VAV1: variants seen among roughly 807,000 people sequenced by gnomAD.
VAV1 encodes the protein proto-oncogene vav.
In VAV1, 33 loss-of-function variants were observed where a neutral mutation model predicts 128.1. The ratio of observed to expected loss-of-function variants is 0.26; its 90% CI spans 0.20 to 0.34. The LOEUF is 0.34. Ranked by LOEUF, VAV1 falls within the 10% of genes least tolerant of loss-of-function variation. The pLI is 1.00. For synonymous variants in VAV1, 394 were observed against 409.8 expected (o/e 0.96, Z 0.47); for missense variants, 715 against 1,093.7 (o/e 0.65, Z 4.88).
chr19:6,855,571 T>G (rs1459567343), intron 26 of VAV1, among the ~76,000 whole-genome samples: 1 of 151,674 alleles, frequency 6.6e-6, no homozygotes, highest in African/African-American at 2.4e-5. Flanking sequence ...ACCCACCCAT[T>G]AAAACATTAA....
At chr19:6,806,078 G>A (rs1295575133) in intron 1 of VAV1, among the ~76,000 whole-genome samples, 1 of 152,034 alleles carries the variant, frequency 6.6e-6, no homozygotes, top group Non-Finnish European at 1.5e-5. Flanking sequence ...CCTGCCACCT[G>A]TTTTTGTAAA....
At chr19:6,809,612 G>A (rs367993949) in intron 1 of VAV1, among the ~76,000 whole-genome samples, 27 of 152,224 alleles carry the variant, frequency 1.8e-4, no homozygotes, top group African/African-American at 6.3e-4. Flanking sequence ...GTTGAACTTT[G>A]TGTTGGGGAT....
At chr19:6,784,112 G>T (rs1282198467) in intron 1 of VAV1, 2 of 429,628 alleles carry the variant, frequency 4.7e-6, no homozygotes, top group South Asian at 6.9e-5. Context: ...AAATAAGCCC[G>T]GCATGGTGGT....
intron 7 of VAV1, 43 bp downstream of exon 7, chr19:6,825,164 G>A (rs367566378): frequency 8.1e-6 from 13 of 1,595,902 alleles, no homozygotes; most frequent in Admixed American, 3.4e-5. Context: ...TGTCTAGTGC[G>A]GATAACCTGC....
Position 6,826,678 on chromosome 19 carries a change from C to T in VAV1, c.894C>T (p.Ala298=), listed in dbSNP as rs144193852. 2.3e-4 allele frequency: 353 copies of T among 1,559,472 alleles called. No homozygotes were observed. Among genetic ancestry groups the T allele is most frequent in the Middle Eastern group, 1.7e-3 (10 of 5,998 alleles). Residue 298 remains alanine, a synonymous_variant, in exon 9 of 27, where the codon GCC becomes GCT. Coordinates refer to ENST00000602142, the MANE Select transcript of VAV1 (RefSeq NM_005428.4). This position sits in a 1 kb window ranked among gnomAD's most constrained non-coding sequence, Gnocchi z 4.1. ...ESASKHLDRV[A]AAREDVQMKL... The stretch of plus-strand genomic sequence containing the variant: ...CCAGCAAACACCTGGACCGTGTGGC[C>T]GCAGCCCGGGAGGACGTGCAGATGA...
intron 21 of VAV1, among the ~76,000 whole-genome samples, chr19:6,839,994 C>G (rs1271363380): frequency 1.3e-5 from 2 of 152,032 alleles, no homozygotes; most frequent in Non-Finnish European, 2.9e-5. Context: ...GCCCGGCCAA[C>G]ATAACCATTT....
At chr19:6,838,673 T>A (rs1972292596) in intron 21 of VAV1, among the ~76,000 whole-genome samples, 1 of 152,142 alleles carries the variant, frequency 6.6e-6, no homozygotes, top group Non-Finnish European at 1.5e-5. Flanking sequence ...TCATCTATCA[T>A]CTTTCCATCT....
chr19:6,799,583 C>T (rs777477520), intron 1 of VAV1, among the ~76,000 whole-genome samples: 9 of 152,084 alleles, frequency 5.9e-5, no homozygotes, highest in African/African-American at 9.7e-5. Flanking sequence ...GGTATTTCTC[C>T]GAATGCTATC....
At chr19:6,808,009 GAAAA>G (rs1971433384) in intron 1 of VAV1, among the ~76,000 whole-genome samples, 1 of 117,170 alleles carries the variant, frequency 8.5e-6, no homozygotes, top group Non-Finnish European at 1.8e-5. Flanking sequence ...AAAAAAAAAA[GAAAA>G]GAAAAAGTTA....
At chr19:6,819,803 G>A (rs536157677) in intron 1 of VAV1, among the ~76,000 whole-genome samples, 2 of 152,230 alleles carry the variant, frequency 1.3e-5, no homozygotes, top group Non-Finnish European at 2.9e-5. Context: ...GAACCTCAGA[G>A]AGTGCTGAAC....
At chr19:6,852,900 C>T in intron 24 of VAV1, 65 bp from the exon 25 acceptor site, 10 of 1,385,248 alleles carry the variant, frequency 7.2e-6, no homozygotes, top group South Asian at 1.2e-5. Context: ...TATGGCTGTT[C>T]CTAGCTCTGC....
chr19:6,790,608 A>C (rs1970996673), intron 1 of VAV1, among the ~76,000 whole-genome samples: 1 of 152,220 alleles, frequency 6.6e-6, no homozygotes, highest in African/African-American at 2.4e-5. Flanking sequence ...CACCCAGGAA[A>C]GAATTCAAGG....
chr19:6,774,700 G>T (rs987053443), intron 1 of VAV1, among the ~76,000 whole-genome samples: 1 of 151,764 alleles, frequency 6.6e-6, no homozygotes, highest in Non-Finnish European at 1.5e-5. Context: ...CTTCCAAAGT[G>T]CTGGAATTAC....
At chr19:6,787,020 A>ATTTT (rs56137755) in intron 1 of VAV1, among the ~76,000 whole-genome samples, 24,265 of 138,208 alleles carry the variant, frequency 0.18, 2,247 homozygotes, top group African/African-American at 0.21. Context: ...CACGCTGTCT[A>ATTTT]TTTTTTTTTT....
chr19:6,844,948 G>T (rs575005493), intron 22 of VAV1, among the ~76,000 whole-genome samples: 5 of 152,258 alleles, frequency 3.3e-5, no homozygotes, highest in Non-Finnish European at 7.3e-5. Context: ...AGTAAGAGGA[G>T]GTGGGTGAGG....
intron 14 of VAV1, among the ~76,000 whole-genome samples, chr19:6,830,699 C>T (rs960998204): frequency 1.3e-5 from 2 of 152,108 alleles, no homozygotes; most frequent in Admixed American, 1.3e-4. Context: ...CTTGGCCTCC[C>T]AAAGTGCTGA....
rs568805913 is a variant in VAV1, at chr19:6,794,036, G to A, written c.204+21025G>A. Among the ~76,000 whole-genome samples, 18 of 142,436 alleles carry A rather than the reference G, an allele frequency of 1.3e-4. 1 individual carries two copies. Among genetic ancestry groups the A allele is most frequent in the East Asian group, 1.2e-3 (6 of 4,990 alleles). The allele number at this position is 142,436 out of a possible 152,430, so 93.4% of individuals were successfully genotyped here. A position where few individuals can be genotyped will look rare whatever the true frequency, so the allele number is the denominator to read the frequency against. On this transcript the variant is annotated intron_variant, in intron 1 of 26. Coordinates refer to ENST00000602142, the MANE Select transcript of VAV1 (RefSeq NM_005428.4). ...ATGATTTATTTACCAATAAACCAAC[G>A]GTAAATGATTTATTTACCAATAAAC...
intron 26 of VAV1, among the ~76,000 whole-genome samples, chr19:6,854,830 C>A (rs1972754606): frequency 6.6e-6 from 1 of 152,174 alleles, no homozygotes; most frequent in African/African-American, 2.4e-5. Context: ...AAAGGCCAAA[C>A]TGATTAATAA....
intron 24 of VAV1, 53 bp downstream of exon 24, chr19:6,850,810 C>G: frequency 6.3e-7 from 1 of 1,581,224 alleles, no homozygotes; most frequent in Non-Finnish European, 8.7e-7. Flanking sequence ...GGAGGACCCT[C>G]CCTGCACCTC....
Sources: gnomAD v4.1 joint callset for allele counts (sites outside exome capture counted in the v4.1 genomes callset) on GRCh38, gnomAD v4.1.1 for gene constraint, Gnocchi (gnomAD v3.1) non-coding constraint, MANE v1.5 for transcripts, NCBI Gene and HGNC (gene_info 2026-07-23, HGNC 2026-07-21) for gene names.